AUTS2: variants seen among roughly 807,000 people sequenced by gnomAD.
The protein encoded by AUTS2 is autism susceptibility gene 2 protein.
A neutral mutation model predicts 112.4 loss-of-function variants in AUTS2; 17 were observed. The observed-to-expected ratio is 0.15, with a 90% CI of 0.10 to 0.23. The LOEUF is 0.23. Among genes scored for constraint, AUTS2 ranks in the 10% least tolerant of loss-of-function variants. AUTS2 has a pLI of 1.00. For synonymous variants in AUTS2, 751 were observed against 702.7 expected (o/e 1.07, Z -1.09); for missense variants, 1,510 against 1,701.6 (o/e 0.89, Z 1.98).
At chr7:70,124,806 C>T (rs1805875980) in intron 3 of AUTS2, among the ~76,000 whole-genome samples, 1 of 152,152 alleles carries the variant, frequency 6.6e-6, no homozygotes, top group South Asian at 2.1e-4. Flanking sequence ...CGTGATCCGC[C>T]CGCCTTGGCC....
chr7:70,790,703 G>A lies in AUTS2; in HGVS notation c.3487G>A (p.Glu1163Lys), dbSNP rs1204105147. The A allele has an allele frequency of 6.2e-6, 10 of 1,613,568 alleles. No individual in the cohort carries two copies. The highest frequency in any genetic ancestry group is 8.5e-6 in the Non-Finnish European group (10 of 1,179,966). The change falls in exon 19 of 19, where the codon GAG becomes AAG. Residue 1163 changes from glutamate to lysine, a missense_variant. This residue lies in a region of AUTS2 where 788 missense variants were observed against 797.6 expected (regional missense o/e 0.99). Transcript: ENST00000342771. The surrounding 1 kb of genome is among the most constrained non-coding windows in gnomAD (Gnocchi z 7.6). Reference sequence around the variant, plus strand: ...CTTGCACATGCTCAGAGAAGACTACGAGCACACGCGGCTCCACTCCGTGCA... The same window carrying A: ...CTTGCACATGCTCAGAGAAGACTACAAGCACACGCGGCTCCACTCCGTGCA... ...ERLHMLREDYEHTRLHSVHPA... is the reference protein window; with the variant it reads ...ERLHMLREDYKHTRLHSVHPA...
At chr7:70,391,243 G>A (rs1440142154) in intron 4 of AUTS2, among the ~76,000 whole-genome samples, 1 of 152,104 alleles carries the variant, frequency 6.6e-6, no homozygotes, top group Admixed American at 6.6e-5. Context: ...CAGCAAATAT[G>A]TTTTGTTTGT....
In AUTS2 at chr7:70,790,747, A is replaced by C. The variant is rs2129561745; in HGVS notation, c.3531A>C (p.Gly1177=). Residue 1177 remains glycine (G), a synonymous_variant, in exon 19 of 19, where the codon GGA becomes GGC. Coordinates refer to ENST00000342771, the MANE Select transcript of AUTS2 (RefSeq NM_015570.4). This position sits in a 1 kb window ranked among gnomAD's most constrained non-coding sequence, Gnocchi z 7.6. ...LHSVHPASLD[G]HLPHPSLITP... is the part of the protein sequence containing the mutation. ...CCGTGCACCCCGCCTCCCTCGACGG[A>C]CACCTCCCCCACCCCAGCCTCATCA... 1.2e-6 allele frequency: 2 copies of C among 1,612,988 alleles called. No homozygotes were observed. Among genetic ancestry groups the C allele is most frequent in the Non-Finnish European group, 1.7e-6 (2 of 1,179,682 alleles).
intron 1 of AUTS2, among the ~76,000 whole-genome samples, chr7:69,651,185 G>A (rs1018609988): frequency 1.3e-5 from 2 of 152,196 alleles, no homozygotes; most frequent in African/African-American, 4.8e-5. Flanking sequence ...GTGAGGAACG[G>A]GGTGTGAAAC....
At chr7:70,280,020 C>T (rs182807226) in intron 4 of AUTS2, among the ~76,000 whole-genome samples, 1 of 152,302 alleles carries the variant, frequency 6.6e-6, no homozygotes, top group African/African-American at 2.4e-5. Context: ...TAGTTGAACA[C>T]ATAGTTCTTT....
At chr7:70,738,319 C>T (rs1787888732) in intron 6 of AUTS2, among the ~76,000 whole-genome samples, 1 of 151,894 alleles carries the variant, frequency 6.6e-6, no homozygotes, top group Non-Finnish European at 1.5e-5. Flanking sequence ...ATGGGCGTTG[C>T]TGCTGGAGCA....
intron 2 of AUTS2, among the ~76,000 whole-genome samples, chr7:69,956,501 A>G (rs1467027102): frequency 6.6e-6 from 1 of 152,170 alleles, no homozygotes; most frequent in Non-Finnish European, 1.5e-5. Flanking sequence ...AGTGCTATAG[A>G]GTGGAAATCT....
chr7:70,784,150 C>T (rs1791274710), intron 15 of AUTS2: 1 of 152,204 alleles, frequency 6.6e-6, no homozygotes, highest in South Asian at 2.1e-4. Flanking sequence ...ACATAAGAAT[C>T]AACCAGCTTT....
intron 1 of AUTS2, among the ~76,000 whole-genome samples, chr7:69,716,216 C>CTGTGTGTGTGTGTT (rs1329794215): frequency 6.6e-6 from 1 of 151,156 alleles, no homozygotes; most frequent in South Asian, 2.1e-4. Context: ...CTCTGTGTGT[C>CTGTGTGTGTGTGTT]TGTGTGTGTG....
chr7:70,117,171 A>C (rs1262386858), intron 2 of AUTS2, among the ~76,000 whole-genome samples: 3 of 130,606 alleles, frequency 2.3e-5, no homozygotes, highest in African/African-American at 6.0e-5. Context: ...TATCTTCAGC[A>C]CTTAGTTCTA....
intron 2 of AUTS2, among the ~76,000 whole-genome samples, chr7:69,955,600 T>A (rs1322072659): frequency 6.6e-6 from 1 of 152,152 alleles, no homozygotes; most frequent in Non-Finnish European, 1.5e-5. Context: ...GCAGGAAAAC[T>A]GCAGCCGCTT....
intron 5 of AUTS2, among the ~76,000 whole-genome samples, chr7:70,515,984 C>T (rs1799401141): frequency 6.6e-6 from 1 of 152,156 alleles, no homozygotes; most frequent in Non-Finnish European, 1.5e-5. Context: ...CCGCTGGGCC[C>T]AAACGATCGT....
chr7:69,801,887 G>T (rs1051406315), intron 1 of AUTS2, among the ~76,000 whole-genome samples: 1 of 152,188 alleles, frequency 6.6e-6, no homozygotes. Context: ...GCCAGGAAAT[G>T]ATGTGATGTG....
intron 5 of AUTS2, among the ~76,000 whole-genome samples, chr7:70,660,589 C>T (rs1465656465): frequency 2.0e-5 from 3 of 152,236 alleles, no homozygotes; most frequent in African/African-American, 7.2e-5. Flanking sequence ...TCTTCCCCCA[C>T]AGCCACTACA....
At chr7:70,508,858 G>A (rs1381407504) in intron 5 of AUTS2, among the ~76,000 whole-genome samples, 1 of 152,200 alleles carries the variant, frequency 6.6e-6, no homozygotes, top group South Asian at 2.1e-4. Context: ...TGTTTGCATT[G>A]TAACACTTCT....
intron 5 of AUTS2, among the ~76,000 whole-genome samples, chr7:70,689,775 C>CAAAAAAA (rs60869776): frequency 1.3e-5 from 1 of 74,702 alleles, no homozygotes; most frequent in Admixed American, 1.5e-4. Context: ...GACTCCGTCT[C>CAAAAAAA]AAAAAAAAAA....
chr7:70,463,508 A>G (rs1304216332), intron 5 of AUTS2, among the ~76,000 whole-genome samples: 1 of 152,236 alleles, frequency 6.6e-6, no homozygotes, highest in African/African-American at 2.4e-5. Context: ...CAGGGAGTTG[A>G]TCAAGGAGTT....
intron 1 of AUTS2, among the ~76,000 whole-genome samples, chr7:69,618,495 C>A (rs1182387433): frequency 1.3e-5 from 2 of 152,152 alleles, no homozygotes; most frequent in African/African-American, 4.8e-5. Context: ...CCAGTGTTTT[C>A]AAGTCAGCGG....
At chr7:70,644,781 G>C (rs1806059722) in intron 5 of AUTS2, among the ~76,000 whole-genome samples, 1 of 152,132 alleles carries the variant, frequency 6.6e-6, no homozygotes, top group South Asian at 2.1e-4. Flanking sequence ...TTTATCCCCA[G>C]AAGTGCTGCA....
Sources: allele counts gnomAD v4.1 joint callset (sites outside exome capture counted in the v4.1 genomes callset), GRCh38; gene constraint gnomAD v4.1.1; regional missense constraint gnomAD v4.1.1; non-coding constraint Gnocchi (gnomAD v3.1); transcripts MANE v1.5; gene names NCBI Gene and HGNC (gene_info 2026-07-23, HGNC 2026-07-21).